The following PDE3A variants were observed in gnomAD, a reference collection of about 807,000 sequenced individuals.
The protein encoded by PDE3A is cGMP-inhibited 3',5'-cyclic phosphodiesterase 3A.
Under a neutral mutation model 98.3 loss-of-function variants are expected in PDE3A, and 43 were observed. The observed-to-expected ratio is 0.44, with a 90% CI of 0.34 to 0.56. PDE3A has a LOEUF of 0.56. Among genes scored for constraint, PDE3A ranks in the 20% least tolerant of loss-of-function variants. The pLI is 0.01. For missense variants in PDE3A, 1,427 were observed against 1,440.7 expected (o/e 0.99, Z 0.15); for synonymous variants, 663 against 567.9 (o/e 1.17, Z -2.38).
chr12:20,441,800 T>C (rs1944875357), intron 1 of PDE3A, among the ~76,000 whole-genome samples: 1 of 152,172 alleles, frequency 6.6e-6, no homozygotes, highest in Admixed American at 6.6e-5. Context: ...CAACCCTGCC[T>C]TTAAACTACC....
At chr12:20,521,397 C>G (rs1198348851) in intron 1 of PDE3A, among the ~76,000 whole-genome samples, 1 of 151,918 alleles carries the variant, frequency 6.6e-6, no homozygotes, top group Admixed American at 6.6e-5. Flanking sequence ...AGCATTTTAG[C>G]CAGTCATTTT....
chr12:20,440,072 G>A (rs1245862709), intron 1 of PDE3A, among the ~76,000 whole-genome samples: 1 of 152,060 alleles, frequency 6.6e-6, no homozygotes, highest in East Asian at 1.9e-4. Flanking sequence ...GAATTTAAAA[G>A]TCATTGTATG....
Position 20,680,642 on chromosome 12 carries a change from T to G in PDE3A, c.*371T>G, listed in dbSNP as rs1370812463. Reference sequence around the variant, plus strand: ...CAATTTAGTAACATTTATATTAAGATATATATATAGTGGTCACTGTGATAT... The same window carrying G: ...CAATTTAGTAACATTTATATTAAGAGATATATATAGTGGTCACTGTGATAT... On this transcript the variant is annotated 3_prime_UTR_variant, in exon 16 of 16. Transcript: ENST00000359062. The G allele has an allele frequency of 5.9e-6, 1 of 170,322 alleles. No homozygotes were observed. The highest frequency in any genetic ancestry group is 1.3e-5 in the Non-Finnish European group (1 of 79,506). The allele number at this position is 170,322 out of a possible 1,614,324, so 10.6% of individuals were successfully genotyped here.
chr12:20,435,555 A>C (rs1374479028), intron 1 of PDE3A, among the ~76,000 whole-genome samples: 1 of 152,146 alleles, frequency 6.6e-6, no homozygotes, highest in African/African-American at 2.4e-5. Context: ...GAAAAGTACT[A>C]TTATTATGGA....
Position 20,426,311 on chromosome 12 carries a change from C to A in PDE3A, c.960+56067C>A, listed in dbSNP as rs138171470. Among the ~76,000 whole-genome samples the A allele has an allele frequency of 4.7e-4, 72 of 152,176 alleles. 1 individual carries two copies. In the East Asian group the frequency reaches 0.013, roughly 27 times the overall value. On this transcript the variant is annotated intron_variant, in intron 1 of 15. Transcript: ENST00000359062. Reference sequence around the variant, plus strand: ...TTCAGTTTGTGAAAAACATCTGGAGCTTTTAGTTGACTACAAGCTTAATAT... The same window carrying A: ...TTCAGTTTGTGAAAAACATCTGGAGATTTTAGTTGACTACAAGCTTAATAT...
At position 20,400,378 on chromosome 12, in the gene PDE3A, GGTTTTTTTTTTTTT is replaced by G. The variant is rs1433050828; in HGVS notation, c.960+30135_960+30148del. On this transcript the variant is annotated intron_variant, in intron 1 of 15. Coordinates refer to ENST00000359062, the MANE Select transcript of PDE3A (RefSeq NM_000921.5). ...AAGCTCATGTTGACTCGTTAACATT[GGTTTTTTTTTTTTT>G]TTTTTTTTTTTTTTTTTTTTTTTTT... Among the ~76,000 whole-genome samples the G allele has an allele frequency of 6.6e-3, 701 of 106,140 alleles. 29 individuals are homozygous for G. Among genetic ancestry groups the G allele is most frequent in the African/African-American group, 0.028 (667 of 24,020 alleles). 69.6% of individuals were successfully genotyped at this position (106,140 alleles called of 152,430 possible). A position where few individuals can be genotyped will look rare whatever the true frequency, so the allele number is the denominator to read the frequency against.
intron 9 of PDE3A, 107 bp downstream of exon 9, chr12:20,637,344 A>T: frequency 7.9e-6 from 6 of 762,742 alleles, no homozygotes; most frequent in Non-Finnish European, 1.2e-5. Flanking sequence ...TTATGTGGAG[A>T]AAGGAAGTTT....
intron 1 of PDE3A, among the ~76,000 whole-genome samples, chr12:20,468,269 AT>A (rs1945378262): frequency 6.6e-6 from 1 of 152,066 alleles, no homozygotes. Flanking sequence ...CATGTTATAC[AT>A]TTTACATTTG....
chr12:20,493,404 C>T (rs555236750), intron 1 of PDE3A, among the ~76,000 whole-genome samples: 7 of 152,122 alleles, frequency 4.6e-5, no homozygotes, highest in African/African-American at 1.7e-4. Context: ...ATAGCATTTA[C>T]ATTATATTAT....
At chr12:20,467,310 T>C (rs1945355638) in intron 1 of PDE3A, among the ~76,000 whole-genome samples, 2 of 58,430 alleles carry the variant, frequency 3.4e-5, no homozygotes. Flanking sequence ...ATGATGCTTT[T>C]TTTTTGTTTG....
chr12:20,500,306 T>A (rs2121079460), intron 1 of PDE3A, among the ~76,000 whole-genome samples: 1 of 152,304 alleles, frequency 6.6e-6, no homozygotes. Flanking sequence ...CAAAATATTC[T>A]AATTCGAATT....
At position 20,370,074 on chromosome 12, in the gene PDE3A, G is replaced by A; in HGVS notation, c.790G>A (p.Glu264Lys). ...GGAACAAATCTTGCCGCAGTCCGCGGAGGCGGCTCCAAGGGAGCATTTGGG... is the reference window on the plus strand; with the variant it reads ...GGAACAAATCTTGCCGCAGTCCGCGAAGGCGGCTCCAAGGGAGCATTTGGG... ...YVEQILPQSAEAAPREHLGSQ... is the reference protein window; with the variant it reads ...YVEQILPQSAKAAPREHLGSQ... Residue 264 changes from glutamate to lysine, a missense_variant, in exon 1 of 16, where the codon GAG becomes AAG. Physicochemically the swap from Glu to Lys is moderately conservative, Grantham distance 56. Coordinates refer to ENST00000359062, the MANE Select transcript of PDE3A (RefSeq NM_000921.5). 1 of 1,613,068 alleles carries A rather than the reference G, an allele frequency of 6.2e-7. No individual in the cohort carries two copies. The highest frequency in any genetic ancestry group is 1.1e-5 in the South Asian group (1 of 91,060).
intron 1 of PDE3A, among the ~76,000 whole-genome samples, chr12:20,507,993 G>A (rs1946149556): frequency 6.6e-6 from 1 of 152,056 alleles, no homozygotes; most frequent in Admixed American, 6.6e-5. Flanking sequence ...TGGCTCCCGT[G>A]TTAGACCTTA....
At chr12:20,415,401 C>CTTATTTAT (rs71039941) in intron 1 of PDE3A, among the ~76,000 whole-genome samples, 90,760 of 148,870 alleles carry the variant, frequency 0.61, 29,387 homozygotes, top group East Asian at 0.84. Context: ...CTTTTATCTA[C>CTTATTTAT]TTATTTATTT....
At chr12:20,578,538 T>C (rs1019562233) in intron 2 of PDE3A, among the ~76,000 whole-genome samples, 1 of 151,040 alleles carries the variant, frequency 6.6e-6, no homozygotes, top group Non-Finnish European at 1.5e-5. Flanking sequence ...AGGTGGAAAA[T>C]AGGATCATCA....
At chr12:20,452,700 T>C (rs1256074872) in intron 1 of PDE3A, among the ~76,000 whole-genome samples, 1 of 152,210 alleles carries the variant, frequency 6.6e-6, no homozygotes, top group Non-Finnish European at 1.5e-5. Context: ...CCTGGGGGAA[T>C]GCTGGTAGAA....
chr12:20,659,020 C>G (rs1244532377), intron 15 of PDE3A, among the ~76,000 whole-genome samples: 1 of 152,068 alleles, frequency 6.6e-6, no homozygotes, highest in Non-Finnish European at 1.5e-5. Flanking sequence ...TTTTTGTCTT[C>G]TTGGCACTCT....
intron 1 of PDE3A, among the ~76,000 whole-genome samples, chr12:20,387,222 T>C (rs902922407): frequency 1.3e-5 from 2 of 152,124 alleles, no homozygotes; most frequent in African/African-American, 4.8e-5. Flanking sequence ...TGCTGCTTTG[T>C]TCTTTTTGCT....
At chr12:20,657,754 A>G (rs1945075973) in intron 15 of PDE3A, among the ~76,000 whole-genome samples, 1 of 152,204 alleles carries the variant, frequency 6.6e-6, no homozygotes, top group Non-Finnish European at 1.5e-5. Context: ...TCACCTTCTT[A>G]TTCAGTATAA....
Sources: gnomAD v4.1 joint callset for allele counts (sites outside exome capture counted in the v4.1 genomes callset) on GRCh38, gnomAD v4.1.1 for gene constraint, MANE v1.5 for transcripts, NCBI Gene and HGNC (gene_info 2026-07-23, HGNC 2026-07-21) for gene names.